The following CSMD1 variants were observed in gnomAD, a reference collection of about 807,000 sequenced individuals.
CSMD1 encodes CUB and Sushi multiple domains 1.
A neutral mutation model predicts 417.5 loss-of-function variants in CSMD1; 213 were observed. The observed-to-expected ratio is 0.51, with a 90% CI of 0.46 to 0.57. CSMD1 has a LOEUF of 0.57. CSMD1 is among the 20% of genes least tolerant of loss of function. The probability of loss-of-function intolerance (pLI) is 0.00; values close to 1 mark genes in which losing one functional copy is unlikely to be tolerated. For synonymous variants in CSMD1, 2,862 were observed against 1,736.8 expected, an observed-to-expected ratio of 1.65 and a Z score of -16.11; for missense variants, 6,923 against 4,529.7, an observed-to-expected ratio of 1.53 and a Z score of -15.17.
chr8:4,691,041 G>A (rs1037618388), intron 1 of CSMD1, among the ~76,000 whole-genome samples: 14 of 151,970 alleles, frequency 9.2e-5, no homozygotes, highest in African/African-American at 1.7e-4. Context: ...TTATTTTTAC[G>A]CCGTGCTTTG....
At chr8:3,405,959 TTG>T in intron 15 of CSMD1, 66 bp downstream of exon 15, 1 of 1,466,472 alleles carries the variant, frequency 6.8e-7, no homozygotes, top group Non-Finnish European at 9.4e-7. Context: ...GTTTGTTGGT[TTG>T]TGTGTGTGCC....
intron 3 of CSMD1, among the ~76,000 whole-genome samples, chr8:4,201,519 G>C (rs1398569908): frequency 1.9e-5 from 2 of 108,028 alleles, no homozygotes; most frequent in Non-Finnish European, 3.4e-5. Context: ...GCCTAGGTAA[G>C]AGATCCAGAC....
At chr8:3,807,524 A>G (rs1186763661) in intron 5 of CSMD1, among the ~76,000 whole-genome samples, 1 of 152,206 alleles carries the variant, frequency 6.6e-6, no homozygotes, top group East Asian at 1.9e-4. Flanking sequence ...CAGAGCTTCA[A>G]CAGATACTAA....
chr8:3,358,406 G>A (rs558752740), intron 21 of CSMD1, among the ~76,000 whole-genome samples: 21 of 152,248 alleles, frequency 1.4e-4, no homozygotes, highest in Admixed American at 4.6e-4. Flanking sequence ...AGCTAACTAC[G>A]AGAGCTCTGG....
chr8:4,869,006 T>C (rs946901068), intron 1 of CSMD1, among the ~76,000 whole-genome samples: 14 of 152,110 alleles, frequency 9.2e-5, no homozygotes, highest in Admixed American at 2.6e-4. Context: ...ATAATATATA[T>C]ACATTTTATA....
chr8:4,448,598 T>G (rs181132905), intron 2 of CSMD1, among the ~76,000 whole-genome samples: 316 of 152,356 alleles, frequency 2.1e-3, no homozygotes, highest in Non-Finnish European at 3.6e-3. Flanking sequence ...TTTTAAAGTC[T>G]TAGTATCAAT....
chr8:3,086,186 T>C (rs1814517049), intron 49 of CSMD1, among the ~76,000 whole-genome samples: 3 of 150,398 alleles, frequency 2.0e-5, no homozygotes, highest in Admixed American at 1.3e-4. Context: ...AAAAGTATTC[T>C]TGTAAAGAAA....
intron 1 of CSMD1, among the ~76,000 whole-genome samples, chr8:4,671,124 T>G (rs1265955650): frequency 9.2e-5 from 14 of 152,222 alleles, no homozygotes. Flanking sequence ...GCATTTGCAC[T>G]CAGTATTCTC....
At chr8:3,038,321 T>G (rs545813895) in intron 50 of CSMD1, among the ~76,000 whole-genome samples, 2 of 152,342 alleles carry the variant, frequency 1.3e-5, no homozygotes, top group African/African-American at 4.8e-5. Context: ...TGCCTGATAT[T>G]TTAATTACAT....
intron 7 of CSMD1, among the ~76,000 whole-genome samples, chr8:3,633,042 G>A (rs529793906): frequency 2.5e-4 from 38 of 152,320 alleles, no homozygotes; most frequent in African/African-American, 8.7e-4. Flanking sequence ...GATACTTTTA[G>A]TGTTAGAGTC....
In CSMD1 at chr8:3,261,200, A is replaced by G. The variant is rs775476995; in HGVS notation, c.4153+22944T>C. 1.2e-4 allele frequency among the ~76,000 whole-genome samples: 19 copies of G among 152,222 alleles called. 1 individual carries two copies. The highest frequency in any genetic ancestry group is 2.1e-4 in the South Asian group (1 of 4,838). Reference sequence around the variant, plus strand: ...ATGTAAATACCATAGACAATTTTATATCGTCTGTAAAATATCAAATGTTGC... The same window carrying G: ...ATGTAAATACCATAGACAATTTTATGTCGTCTGTAAAATATCAAATGTTGC... On this transcript the variant is annotated intron_variant, in intron 26 of 69. Transcript: ENST00000635120.
At chr8:4,746,756 C>T (rs533980257) in intron 1 of CSMD1, among the ~76,000 whole-genome samples, 5 of 152,290 alleles carry the variant, frequency 3.3e-5, no homozygotes, top group African/African-American at 1.2e-4. Context: ...AGAACCTTCA[C>T]TACAGCAGCG....
At chr8:3,949,446 A>C (rs1008459942) in intron 5 of CSMD1, among the ~76,000 whole-genome samples, 4 of 152,194 alleles carry the variant, frequency 2.6e-5, no homozygotes, top group Admixed American at 6.5e-5. Context: ...CTAACAATTT[A>C]AGGAAAAGGA....
intron 3 of CSMD1, among the ~76,000 whole-genome samples, chr8:4,172,944 C>T (rs1797847811): frequency 6.6e-6 from 1 of 152,100 alleles, no homozygotes; most frequent in Admixed American, 6.5e-5. Context: ...ACAGAAAAAC[C>T]TCGAGGGCTG....
chr8:4,282,235 C>T lies in CSMD1; in HGVS notation c.415+137718G>A, dbSNP rs147680899. On this transcript the variant is annotated intron_variant, in intron 3 of 69. Transcript: ENST00000635120. Reference sequence around the variant, plus strand: ...TAAACAGAAACATAAAATCTTACAACTGCATGCAAAGGTGAATATAATCCA... The same window carrying T: ...TAAACAGAAACATAAAATCTTACAATTGCATGCAAAGGTGAATATAATCCA... Among the ~76,000 whole-genome samples the T allele has an allele frequency of 2.9e-3, 436 of 152,258 alleles. 1 individual carries two copies. The highest frequency in any genetic ancestry group is 3.8e-3 in the Non-Finnish European group (261 of 68,020).
In CSMD1 at chr8:2,949,376, C is replaced by T; in HGVS notation, c.10325G>A (p.Gly3442Glu). The change falls in exon 68 of 70, where the codon GGA becomes GAA. Residue 3442 changes from glycine (G) to glutamate (E), a missense_variant. Transcript: ENST00000635120. ...NWGLDGYVSSGLERGGFTFQG... is the reference protein window; with the variant it reads ...NWGLDGYVSSELERGGFTFQG... ...AAAAGTAAATCCTCCTCTTTCAAGTCCAGATGACACCTGACACATAGGAAA... is the reference window on the plus strand; with the variant it reads ...AAAAGTAAATCCTCCTCTTTCAAGTTCAGATGACACCTGACACATAGGAAA... 6.3e-7 allele frequency: 1 copy of T among 1,585,158 alleles called. No individual in the cohort carries two copies. Among genetic ancestry groups the T allele is most frequent in the East Asian group, 2.3e-5 (1 of 44,242 alleles).
At position 3,840,621 on chromosome 8, in the gene CSMD1, A is replaced by T. The variant is rs192621726; in HGVS notation, c.819-86579T>A. Among the ~76,000 whole-genome samples the T allele has an allele frequency of 7.9e-5, 12 of 151,974 alleles. No individual in the cohort carries two copies. The East Asian group carries it at 2.3e-3, about 29-fold the overall frequency. On this transcript the variant is annotated intron_variant, in intron 5 of 69. Coordinates refer to ENST00000635120, the MANE Select transcript of CSMD1 (RefSeq NM_033225.6). ...ATGTATAGGTGTGAGTTTATGATAT[A>T]TCTGTGTGTGTGCACTTGCTAGTGT...
At chr8:4,756,966 G>T (rs1042773546) in intron 1 of CSMD1, among the ~76,000 whole-genome samples, 1 of 152,226 alleles carries the variant, frequency 6.6e-6, no homozygotes, top group Non-Finnish European at 1.5e-5. Flanking sequence ...AAACACATAA[G>T]CTGGTGAGGA....
intron 4 of CSMD1, among the ~76,000 whole-genome samples, chr8:4,012,893 G>T (rs1037845557): frequency 2.6e-5 from 4 of 152,140 alleles, no homozygotes. Flanking sequence ...CACAACCACT[G>T]TGTAGGGAAA....
Sources: allele counts gnomAD v4.1 joint callset (sites outside exome capture counted in the v4.1 genomes callset), GRCh38; gene constraint gnomAD v4.1.1; transcripts MANE v1.5; gene names NCBI Gene and HGNC (gene_info 2026-07-23, HGNC 2026-07-21).